The following FRMD3 variants were observed in gnomAD, a reference collection of about 807,000 sequenced individuals.
FRMD3 encodes the protein FERM domain-containing protein 3.
FRMD3 carries 33 observed loss-of-function variants against 70.2 expected under a neutral mutation model. That is an observed-to-expected ratio of 0.47 (90% CI 0.36 to 0.63). The LOEUF is 0.63. Ranked by LOEUF, FRMD3 falls within the 20% of genes least tolerant of loss-of-function variation. FRMD3 has a pLI of 0.00. For synonymous variants in FRMD3, 279 were observed against 255.9 expected (o/e 1.09, Z -0.86); for missense variants, 632 against 711.4 (o/e 0.89, Z 1.27).
chr9:83,359,760 T>C (rs753025722), intron 3 of FRMD3, among the ~76,000 whole-genome samples: 5 of 152,078 alleles, frequency 3.3e-5, no homozygotes, highest in Non-Finnish European at 7.4e-5. Context: ...TGAACATAGG[T>C]GGTGACTAGG....
At chr9:83,316,160 T>TTC (rs1835564204) in intron 6 of FRMD3, among the ~76,000 whole-genome samples, 1 of 96,508 alleles carries the variant, frequency 1.0e-5, no homozygotes, top group African/African-American at 5.1e-5. Context: ...TTTTTTTTTT[T>TTC]CTTTTTTTTT....
intron 1 of FRMD3, among the ~76,000 whole-genome samples, chr9:83,484,474 G>A (rs991449324): frequency 2.0e-5 from 3 of 152,182 alleles, no homozygotes; most frequent in Admixed American, 6.5e-5. Context: ...CTGGAGTGCA[G>A]TGGCATGATC....
intron 13 of FRMD3, among the ~76,000 whole-genome samples, chr9:83,276,875 A>T (rs1248765351): frequency 6.6e-6 from 1 of 152,126 alleles, no homozygotes; most frequent in South Asian, 2.1e-4. Flanking sequence ...ATGCATGGCT[A>T]ATTTTTGCAT....
chr9:83,460,896 C>T (rs1236613770), intron 1 of FRMD3, among the ~76,000 whole-genome samples: 1 of 151,738 alleles, frequency 6.6e-6, no homozygotes, highest in Non-Finnish European at 1.5e-5. Flanking sequence ...CATCTTAGAG[C>T]TTCTAGTTTG....
At chr9:83,499,722 A>T (rs1194762816) in intron 1 of FRMD3, among the ~76,000 whole-genome samples, 1 of 152,202 alleles carries the variant, frequency 6.6e-6, no homozygotes, top group African/African-American at 2.4e-5. Flanking sequence ...GTTTCTTACA[A>T]GCTAAAAATT....
At chr9:83,443,348 T>C (rs1827360556) in intron 1 of FRMD3, among the ~76,000 whole-genome samples, 1 of 152,284 alleles carries the variant, frequency 6.6e-6, no homozygotes, top group South Asian at 2.1e-4. Flanking sequence ...TATCGAAGTG[T>C]TCTCATTGTT....
In FRMD3 at chr9:83,321,763, T is replaced by C. The variant is rs574069266; in HGVS notation, c.597-8016A>G. 1.7e-4 allele frequency among the ~76,000 whole-genome samples: 26 copies of C among 152,320 alleles called. No homozygotes were observed. In the South Asian group the frequency reaches 3.9e-3, roughly 23 times the overall value. On this transcript the variant is annotated intron_variant, in intron 6 of 13. Coordinates refer to ENST00000304195, the MANE Select transcript of FRMD3 (RefSeq NM_174938.6). ...TCTGTCTTGATGATCTGTCTAGTACTGTGAGTGGGGTGTTGAACTTCCCAC... is the reference window on the plus strand; with the variant it reads ...TCTGTCTTGATGATCTGTCTAGTACCGTGAGTGGGGTGTTGAACTTCCCAC...
At chr9:83,555,897 A>G in the FRMD3 span, among the ~76,000 whole-genome samples, 1 of 152,188 alleles carries the variant, frequency 6.6e-6, no homozygotes, top group Non-Finnish European at 1.5e-5. Flanking sequence ...CTGTGGGAGA[A>G]GCGTGGTTTC....
chr9:83,246,467 C>G lies in FRMD3; in HGVS notation c.*1451G>C, dbSNP rs1437139839. On this transcript the variant is annotated 3_prime_UTR_variant, in exon 14 of 14. Transcript: ENST00000304195. ...GAAGGTACTAGAGCACTGGTCCCCT[C>G]TACAGTCTGGTTAGGGTCATGTCAC... 5.1e-6 allele frequency: 5 copies of G among 984,962 alleles called. No individual in the cohort carries two copies. The African/African-American group carries it at 8.7e-5, about 17-fold the overall frequency. 61.0% of individuals were successfully genotyped at this position (984,962 alleles called of 1,614,324 possible). A position where few individuals can be genotyped will look rare whatever the true frequency, so the allele number is the denominator to read the frequency against.
rs763340189 is a variant in FRMD3 at position 83,450,347 on chromosome 9, GTTTTTTTT to G, written c.148-60647_148-60640del. ...AATGAGATCCCAACTGTCACCCTCA[GTTTTTTTT>G]TTTTTTTTTTTTTTTATTATACTCT... On this transcript the variant is annotated intron_variant, in intron 1 of 13. Transcript: ENST00000304195. Among the ~76,000 whole-genome samples the G allele has an allele frequency of 4.5e-5, 5 of 111,580 alleles. No homozygotes were observed. The South Asian group carries it at 1.2e-3, about 26-fold the overall frequency. 73.2% of individuals were successfully genotyped at this position (111,580 alleles called of 152,430 possible). A position where few individuals can be genotyped will look rare whatever the true frequency, so the allele number is the denominator to read the frequency against.
At chr9:83,292,273 C>T (rs1834453928) in intron 12 of FRMD3, among the ~76,000 whole-genome samples, 1 of 151,806 alleles carries the variant, frequency 6.6e-6, no homozygotes, top group Non-Finnish European at 1.5e-5. Context: ...ATTCTCCTGC[C>T]TCAGCCTCGC....
At chr9:83,491,891 G>C (rs1408721469) in intron 1 of FRMD3, among the ~76,000 whole-genome samples, 1 of 152,204 alleles carries the variant, frequency 6.6e-6, no homozygotes, top group Non-Finnish European at 1.5e-5. Flanking sequence ...GTAACCCTGG[G>C]GAGGAGAAAA....
chr9:83,431,519 T>C (rs1826975680), intron 1 of FRMD3, among the ~76,000 whole-genome samples: 2 of 150,448 alleles, frequency 1.3e-5, no homozygotes, highest in African/African-American at 5.0e-5. Flanking sequence ...TATTCTAACT[T>C]TTTACTTTGT....
chr9:83,561,893 T>C, the FRMD3 span, among the ~76,000 whole-genome samples: 1 of 152,206 alleles, frequency 6.6e-6, no homozygotes, highest in Non-Finnish European at 1.5e-5. Context: ...CTTCTCTATC[T>C]GCACTCTCTA....
rs191583788 is a variant in FRMD3, at chr9:83,430,768, T to G, written c.148-41060A>C. 5.8e-4 allele frequency among the ~76,000 whole-genome samples: 89 copies of G among 152,360 alleles called. 4 individuals carry two copies. In the South Asian group the frequency reaches 0.013, roughly 22 times the overall value. On this transcript the variant is annotated intron_variant, in intron 1 of 13. Transcript: ENST00000304195. ...AAAAATTACAGATTTCCCTAAAATC[T>G]GAAAAGCTGGCCTCTTGAAAACTCA...
intron 1 of FRMD3, among the ~76,000 whole-genome samples, chr9:83,443,040 T>A (rs1046001426): frequency 1.3e-5 from 2 of 152,212 alleles, no homozygotes; most frequent in Non-Finnish European, 2.9e-5. Flanking sequence ...GATATAAATA[T>A]AGAAATAGTG....
chr9:83,348,049 T>C (rs757323911), intron 4 of FRMD3, among the ~76,000 whole-genome samples: 24 of 152,202 alleles, frequency 1.6e-4, no homozygotes, highest in Non-Finnish European at 3.2e-4. Context: ...TACTTTCAAA[T>C]AGGACTTTTT....
At chr9:83,313,433 G>A (rs1427440759) in intron 7 of FRMD3, among the ~76,000 whole-genome samples, 3 of 152,138 alleles carry the variant, frequency 2.0e-5, no homozygotes, top group Admixed American at 1.3e-4. Context: ...TGTTAATTTA[G>A]GAAAATATGG....
chr9:83,536,685 C>G (rs750425429), intron 1 of FRMD3, among the ~76,000 whole-genome samples: 30 of 152,170 alleles, frequency 2.0e-4, no homozygotes, highest in Non-Finnish European at 3.8e-4. Context: ...TGGGAGCCTA[C>G]TTTCCTGGGA....
Sources: allele counts gnomAD v4.1 joint callset (sites outside exome capture counted in the v4.1 genomes callset), GRCh38; gene constraint gnomAD v4.1.1; transcripts MANE v1.5; gene names NCBI Gene and HGNC (gene_info 2026-07-23, HGNC 2026-07-21).